The following RNLS variants were observed in gnomAD, a reference collection of about 807,000 sequenced individuals.
RNLS encodes renalase, FAD dependent amine oxidase.
Under a neutral mutation model 39.8 loss-of-function variants are expected in RNLS, and 39 were observed. That is an observed-to-expected ratio of 0.98 (90% CI 0.76 to 1.28). The LOEUF (loss-of-function observed/expected upper bound fraction) is 1.28, where lower values mean the gene tolerates loss of function less well. RNLS is among the 50% of genes most tolerant of loss of function. The pLI, the probability that RNLS is intolerant of heterozygous loss-of-function variation, is 0.00. For synonymous variants in RNLS, 147 were observed against 150.7 expected (o/e 0.98, Z 0.18); for missense variants, 410 against 413.3 (o/e 0.99, Z 0.07).
chr10:88,564,973 A>G (rs1434949872), intron 4 of RNLS, among the ~76,000 whole-genome samples: 2 of 152,316 alleles, frequency 1.3e-5, no homozygotes, highest in Non-Finnish European at 2.9e-5. Context: ...TTAATCCTAA[A>G]GGCTACATAT....
chr10:88,229,460 C>T, the RNLS span, among the ~76,000 whole-genome samples: 1 of 152,138 alleles, frequency 6.6e-6, no homozygotes, highest in Non-Finnish European at 1.5e-5. Context: ...TTGGAAGTCT[C>T]CTTAGCAGTC....
intron 4 of RNLS, among the ~76,000 whole-genome samples, chr10:88,404,699 C>A (rs1420880949): frequency 6.6e-6 from 1 of 151,966 alleles, no homozygotes; most frequent in African/African-American, 2.4e-5. Flanking sequence ...CTTGGTAACA[C>A]AAGATGAATA....
Position 88,445,694 on chromosome 10 carries a change from A to G in RNLS, c.527-82969T>C, listed in dbSNP as rs1164190867. Among the ~76,000 whole-genome samples the G allele has an allele frequency of 3.9e-5, 6 of 152,340 alleles. No individual in the cohort carries two copies. The East Asian group carries it at 1.2e-3, about 29-fold the overall frequency. ...CTCTGATAAAACAGACTGTAAACCAACAAAGATCAAAAGAGACAAACAAGG... is the reference window on the plus strand; with the variant it reads ...CTCTGATAAAACAGACTGTAAACCAGCAAAGATCAAAAGAGACAAACAAGG... On this transcript the variant is annotated intron_variant, in intron 4 of 6. Transcript: ENST00000331772.
the RNLS span, among the ~76,000 whole-genome samples, chr10:88,266,147 G>A: frequency 6.6e-6 from 1 of 152,144 alleles, no homozygotes; most frequent in Non-Finnish European, 1.5e-5. Context: ...AGGCTGGCTA[G>A]TCACGTGATG....
intron 4 of RNLS, among the ~76,000 whole-genome samples, chr10:88,408,148 A>G (rs1386506951): frequency 1.3e-5 from 2 of 152,182 alleles, no homozygotes; most frequent in Non-Finnish European, 1.5e-5. Context: ...TGTCCAAAAT[A>G]TAGTTTAAAA....
intron 6 of RNLS, among the ~76,000 whole-genome samples, chr10:88,309,993 G>T (rs542333500): frequency 1.3e-5 from 2 of 151,756 alleles, no homozygotes; most frequent in African/African-American, 4.8e-5. Flanking sequence ...CAGGCAGATC[G>T]CTTGAGTCCT....
intron 4 of RNLS, among the ~76,000 whole-genome samples, chr10:88,391,312 A>C (rs1832860536): frequency 6.6e-6 from 1 of 152,202 alleles, no homozygotes; most frequent in African/African-American, 2.4e-5. Flanking sequence ...TAATCCCAGC[A>C]CTTTGGGAGT....
chr10:88,402,026 A>G (rs1852953349), intron 4 of RNLS, among the ~76,000 whole-genome samples: 1 of 152,076 alleles, frequency 6.6e-6, no homozygotes, highest in Non-Finnish European at 1.5e-5. Context: ...GGACTGGAGC[A>G]ATAAGATACA....
the RNLS span, among the ~76,000 whole-genome samples, chr10:88,230,969 T>C: frequency 1.2e-4 from 18 of 152,246 alleles, no homozygotes; most frequent in African/African-American, 4.3e-4. Flanking sequence ...GTTTGATTCT[T>C]ATGTGGAAAC....
chr10:88,238,812 A>T, the RNLS span, among the ~76,000 whole-genome samples: 805 of 152,338 alleles, frequency 5.3e-3, 6 homozygotes, highest in African/African-American at 0.018. Flanking sequence ...GAGATTGCAG[A>T]GGGTTTTCTT....
chr10:88,283,093 T>C (rs1008290783), downstream of RNLS, among the ~76,000 whole-genome samples: 2 of 152,152 alleles, frequency 1.3e-5, no homozygotes, highest in Non-Finnish European at 2.9e-5. Context: ...CCAGGGGAGT[T>C]TGATATCTTA....
At chr10:88,528,802 A>C (rs1290756586) in intron 4 of RNLS, among the ~76,000 whole-genome samples, 2 of 151,310 alleles carry the variant, frequency 1.3e-5, no homozygotes, top group Non-Finnish European at 3.0e-5. Context: ...GCAGTGAGCC[A>C]AGACCGCACC....
the RNLS span, among the ~76,000 whole-genome samples, chr10:88,188,444 G>A: frequency 6.6e-6 from 1 of 152,196 alleles, no homozygotes; most frequent in African/African-American, 2.4e-5. Flanking sequence ...GATGTATTCT[G>A]TTTCAATAGC....
At chr10:88,479,252 A>T (rs1296520750) in intron 4 of RNLS, among the ~76,000 whole-genome samples, 1 of 152,202 alleles carries the variant, frequency 6.6e-6, no homozygotes, top group Non-Finnish European at 1.5e-5. Flanking sequence ...CTTTGAGGCC[A>T]ATATTCCCTT....
the RNLS span, among the ~76,000 whole-genome samples, chr10:88,240,160 AT>A: frequency 6.6e-6 from 1 of 152,060 alleles, no homozygotes; most frequent in African/African-American, 2.4e-5. Context: ...TTAACTCTAC[AT>A]TTTCTATATA....
chr10:88,553,701 C>T (rs1848708877), intron 4 of RNLS, among the ~76,000 whole-genome samples: 1 of 152,036 alleles, frequency 6.6e-6, no homozygotes, highest in South Asian at 2.1e-4. Flanking sequence ...TCGTAACATT[C>T]CGTCTTTATT....
At chr10:88,215,397 A>T in the RNLS span, among the ~76,000 whole-genome samples, 1 of 152,166 alleles carries the variant, frequency 6.6e-6, no homozygotes, top group African/African-American at 2.4e-5. Context: ...TTGGAATTTA[A>T]ATCCAAATCT....
At chr10:88,459,068 C>T (rs1031259902) in intron 4 of RNLS, among the ~76,000 whole-genome samples, 14 of 150,896 alleles carry the variant, frequency 9.3e-5, no homozygotes, top group African/African-American at 3.4e-4. Flanking sequence ...ATAACAGAAA[C>T]ATATGGTGTG....
intron 4 of RNLS, among the ~76,000 whole-genome samples, chr10:88,451,582 T>C (rs535997189): frequency 6.6e-6 from 1 of 152,266 alleles, no homozygotes; most frequent in African/African-American, 2.4e-5. Context: ...CAATGTAAAT[T>C]TTCTCATATA....
Sources: gnomAD v4.1 joint callset for allele counts (sites outside exome capture counted in the v4.1 genomes callset) on GRCh38, gnomAD v4.1.1 for gene constraint, MANE v1.5 for transcripts, NCBI Gene and HGNC (gene_info 2026-07-23, HGNC 2026-07-21) for gene names.